BMP7: variants seen among roughly 807,000 people sequenced by gnomAD.
The protein encoded by BMP7 is bone morphogenetic protein 7.
Under a neutral mutation model 41.2 loss-of-function variants are expected in BMP7, and 12 were observed. The observed-to-expected ratio is 0.29, with a 90% CI of 0.19 to 0.47. The LOEUF is 0.47. Among genes scored for constraint, BMP7 ranks in the 20% least tolerant of loss-of-function variants. The probability of loss-of-function intolerance (pLI) is 0.99; values close to 1 mark genes in which losing one functional copy is unlikely to be tolerated. For synonymous variants in BMP7, 248 were observed against 250.0 expected, an observed-to-expected ratio of 0.99 and a Z score of 0.07; for missense variants, 467 against 606.0, an observed-to-expected ratio of 0.77 and a Z score of 2.41.
chr20:57,189,295 C>T (rs1268570808), intron 3 of BMP7, among the ~76,000 whole-genome samples: 1 of 152,248 alleles, frequency 6.6e-6, no homozygotes, highest in Non-Finnish European at 1.5e-5. Context: ...GGCCCTGGAA[C>T]ATCTTGCTCA....
chr20:57,218,453 T>G (rs1600629394), intron 2 of BMP7, among the ~76,000 whole-genome samples: 2 of 149,112 alleles, frequency 1.3e-5, no homozygotes, highest in Admixed American at 6.7e-5. Context: ...TGGTAGCTGG[T>G]GTTTCTTTGG....
chr20:57,214,704 C>T lies in BMP7; in HGVS notation c.612-12081G>A, dbSNP rs1361055114. Among the ~76,000 whole-genome samples the T allele has an allele frequency of 1.3e-5, 2 of 152,234 alleles. No individual in the cohort carries two copies. Among genetic ancestry groups the T allele is most frequent in the South Asian group, 4.1e-4 (2 of 4,836 alleles). On this transcript the variant is annotated intron_variant, in intron 2 of 6. Coordinates refer to ENST00000395863, the MANE Select transcript of BMP7 (RefSeq NM_001719.3). The surrounding 1 kb of genome is among the most constrained non-coding windows in gnomAD (Gnocchi z 4.0). ...CACTGATGCCCTAATGGTGCATCCA[C>T]GTCGGACACGCTCCAAGCCCAAGTC...
At chr20:57,240,656 TC>T (rs1437865360) in intron 1 of BMP7, among the ~76,000 whole-genome samples, 1 of 152,116 alleles carries the variant, frequency 6.6e-6, no homozygotes, top group African/African-American at 2.4e-5. Context: ...GACTTACAGT[TC>T]CACATGGCTG....
intron 3 of BMP7, among the ~76,000 whole-genome samples, chr20:57,188,896 A>G (rs986195463): frequency 6.6e-6 from 1 of 152,232 alleles, no homozygotes; most frequent in Non-Finnish European, 1.5e-5. Context: ...CAAGGCCAAG[A>G]TTCGAACCCT....
chr20:57,232,103 C>G (rs976288247), intron 1 of BMP7, among the ~76,000 whole-genome samples: 1 of 152,216 alleles, frequency 6.6e-6, no homozygotes, highest in Non-Finnish European at 1.5e-5. Flanking sequence ...ACCCTCTTGA[C>G]CTTCACACTC....
At chr20:57,252,234 T>C (rs2066116633) in intron 1 of BMP7, among the ~76,000 whole-genome samples, 1 of 152,156 alleles carries the variant, frequency 6.6e-6, no homozygotes, top group African/African-American at 2.4e-5. Flanking sequence ...TCTTCTCGAG[T>C]ATTTATCACA....
chr20:57,207,076 G>T (rs1395069936), intron 2 of BMP7, among the ~76,000 whole-genome samples: 3 of 152,230 alleles, frequency 2.0e-5, no homozygotes, highest in African/African-American at 4.8e-5. Flanking sequence ...CACCTCTGAA[G>T]TCTGGACTGA....
intron 2 of BMP7, among the ~76,000 whole-genome samples, chr20:57,208,113 G>A (rs1199033541): frequency 6.6e-6 from 1 of 152,076 alleles, no homozygotes; most frequent in Non-Finnish European, 1.5e-5. Context: ...ACAGGCGTGA[G>A]CCACCGCACC....
At chr20:57,175,770 C>T (rs1331474044) in intron 4 of BMP7, among the ~76,000 whole-genome samples, 1 of 152,182 alleles carries the variant, frequency 6.6e-6, no homozygotes, top group African/African-American at 2.4e-5. Flanking sequence ...CCTGTCTTTC[C>T]TCCACCTACA....
At chr20:57,217,866 G>C (rs896347259) in intron 2 of BMP7, among the ~76,000 whole-genome samples, 5 of 152,208 alleles carry the variant, frequency 3.3e-5, no homozygotes, top group South Asian at 2.1e-4. Context: ...GTTAAAACAG[G>C]GGAAACCAGG....
At chr20:57,223,746 C>T (rs1437882539) in intron 2 of BMP7, among the ~76,000 whole-genome samples, 1 of 152,260 alleles carries the variant, frequency 6.6e-6, no homozygotes, top group East Asian at 1.9e-4. Context: ...CAAGAAGCCT[C>T]AACCACAGGG....
At chr20:57,236,167 C>T (rs1040066039) in intron 1 of BMP7, among the ~76,000 whole-genome samples, 1 of 152,166 alleles carries the variant, frequency 6.6e-6, no homozygotes, top group Non-Finnish European at 1.5e-5. Flanking sequence ...GTCAGGACCC[C>T]AGAAGTGTAA....
intron 1 of BMP7, 37 bp downstream of exon 1, chr20:57,265,668 C>A (rs774053418): frequency 6.4e-7 from 1 of 1,573,506 alleles, no homozygotes; most frequent in South Asian, 1.2e-5. Flanking sequence ...AAAGTGCCCC[C>A]GAAAGGAGAC....
chr20:57,199,645 G>A (rs930093986), intron 3 of BMP7, among the ~76,000 whole-genome samples: 2 of 152,150 alleles, frequency 1.3e-5, no homozygotes, highest in African/African-American at 4.8e-5. Context: ...CCACGGTAGG[G>A]AAAACAAAGC....
chr20:57,238,327 T>C (rs556929037), intron 1 of BMP7, among the ~76,000 whole-genome samples: 1 of 152,252 alleles, frequency 6.6e-6, no homozygotes, highest in Non-Finnish European at 1.5e-5. Flanking sequence ...TTCCACTGTA[T>C]GGATGGGCCA....
chr20:57,178,569 C>T (rs1331252714), intron 4 of BMP7, among the ~76,000 whole-genome samples: 1 of 152,076 alleles, frequency 6.6e-6, no homozygotes. Flanking sequence ...GGAGCCCAAA[C>T]AGCTGGACTC....
Position 57,246,776 on chromosome 20 carries a change from G to T in BMP7, c.419-18355C>A, listed in dbSNP as rs190555357. 4.2e-3 allele frequency among the ~76,000 whole-genome samples: 645 copies of T among 152,282 alleles called. 7 individuals carry two copies. Among genetic ancestry groups the T allele is most frequent in the African/African-American group, 0.014 (598 of 41,562 alleles). On this transcript the variant is annotated intron_variant, in intron 1 of 6. Coordinates refer to ENST00000395863, the MANE Select transcript of BMP7 (RefSeq NM_001719.3). ...GGCCGAGGTGGGCGGATCACCTGAG[G>T]TTGGGAGTTCAAGACCAGCCTGGTC...
chr20:57,173,943 G>A (rs2123056963), intron 5 of BMP7, among the ~76,000 whole-genome samples: 2 of 152,294 alleles, frequency 1.3e-5, no homozygotes, highest in Middle Eastern at 3.4e-3. Flanking sequence ...GGGTCTGGGT[G>A]GCACAGAAAT....
rs973149542 is a variant in BMP7, at chr20:57,251,326, C to T, written c.418+14379G>A. Among the ~76,000 whole-genome samples the T allele has an allele frequency of 2.1e-4, 32 of 152,320 alleles. 1 individual carries two copies. The highest frequency in any genetic ancestry group is 7.7e-4 in the African/African-American group (32 of 41,562). On this transcript the variant is annotated intron_variant, in intron 1 of 6. Coordinates refer to ENST00000395863, the MANE Select transcript of BMP7 (RefSeq NM_001719.3). Reference sequence around the variant, plus strand: ...GGAGGTGGGGGCAGAGCGGTGGGGGCTCTGCAGTCTGACGGTCTGACTCAG... The same window carrying T: ...GGAGGTGGGGGCAGAGCGGTGGGGGTTCTGCAGTCTGACGGTCTGACTCAG...
Sources: gnomAD v4.1 joint callset for allele counts (sites outside exome capture counted in the v4.1 genomes callset) on GRCh38, gnomAD v4.1.1 for gene constraint, Gnocchi (gnomAD v3.1) non-coding constraint, MANE v1.5 for transcripts, NCBI Gene and HGNC (gene_info 2026-07-23, HGNC 2026-07-21) for gene names.